CTNND2: variants seen among roughly 807,000 people sequenced by gnomAD.
CTNND2 encodes the protein catenin delta-2.
A neutral mutation model predicts 144.4 loss-of-function variants in CTNND2; 22 were observed. That is an observed-to-expected ratio of 0.15 (90% CI 0.11 to 0.22). The LOEUF (loss-of-function observed/expected upper bound fraction) is 0.22. Ranked by LOEUF, CTNND2 falls within the 10% of genes least tolerant of loss-of-function variation. The pLI, the probability that CTNND2 is intolerant of heterozygous loss-of-function variation, is 1.00. For missense variants in CTNND2, 1,353 were observed against 1,618.8 expected (o/e 0.84, Z 2.82); for synonymous variants, 751 against 695.6 (o/e 1.08, Z -1.25).
chr5:11,417,691 T>A (rs1286683058), intron 3 of CTNND2, among the ~76,000 whole-genome samples: 1 of 152,184 alleles, frequency 6.6e-6, no homozygotes, highest in Non-Finnish European at 1.5e-5. Flanking sequence ...TCTCATACAC[T>A]GTAGGTGGGA....
At chr5:11,225,369 T>C (rs551399722) in intron 10 of CTNND2, among the ~76,000 whole-genome samples, 1 of 152,300 alleles carries the variant, frequency 6.6e-6, no homozygotes, top group Admixed American at 6.5e-5. Flanking sequence ...GAATTATAAT[T>C]CCTAACATTA....
At chr5:11,773,103 C>A (rs1013854779) in intron 1 of CTNND2, among the ~76,000 whole-genome samples, 6 of 152,154 alleles carry the variant, frequency 3.9e-5, no homozygotes, top group Non-Finnish European at 8.8e-5. Context: ...ACCTCAAATG[C>A]CAGTGGAGCC....
intron 6 of CTNND2, among the ~76,000 whole-genome samples, chr5:11,395,065 G>A (rs770905852): frequency 3.9e-5 from 6 of 152,062 alleles, no homozygotes; most frequent in Admixed American, 1.3e-4. Context: ...GATTTCACAC[G>A]GATCAGAATT....
intron 9 of CTNND2, among the ~76,000 whole-genome samples, chr5:11,286,559 C>T (rs1034277085): frequency 3.9e-5 from 6 of 152,166 alleles, no homozygotes; most frequent in Non-Finnish European, 8.8e-5. Flanking sequence ...AAAATGGGGA[C>T]AGGACTGAGG....
intron 16 of CTNND2, among the ~76,000 whole-genome samples, chr5:11,043,916 G>A (rs1744949970): frequency 6.6e-6 from 1 of 152,204 alleles, no homozygotes; most frequent in Non-Finnish European, 1.5e-5. Flanking sequence ...CAGTGTTTGA[G>A]TTTTCTCTTC....
chr5:11,861,751 G>C (rs1051818558), intron 1 of CTNND2, among the ~76,000 whole-genome samples: 8 of 152,150 alleles, frequency 5.3e-5, no homozygotes, highest in Admixed American at 5.2e-4. Context: ...CACTTGATGT[G>C]TTCTCCCATC....
At chr5:11,802,582 G>A (rs1030664876) in intron 1 of CTNND2, among the ~76,000 whole-genome samples, 5 of 150,760 alleles carry the variant, frequency 3.3e-5, no homozygotes, top group Non-Finnish European at 4.4e-5. Flanking sequence ...AAAAAAAAAC[G>A]AATCTTCTAA....
intron 2 of CTNND2, among the ~76,000 whole-genome samples, chr5:11,684,057 G>C (rs775524278): frequency 2.0e-5 from 3 of 152,040 alleles, no homozygotes; most frequent in Non-Finnish European, 4.4e-5. Flanking sequence ...AATCAAGACA[G>C]ACAGCTACTA....
intron 11 of CTNND2, among the ~76,000 whole-genome samples, chr5:11,196,962 G>A (rs1406725231): frequency 6.6e-6 from 1 of 152,206 alleles, no homozygotes; most frequent in Non-Finnish European, 1.5e-5. Flanking sequence ...CATCATTGAG[G>A]CAATGACTGT....
At chr5:11,652,432 G>GT in intron 2 of CTNND2, among the ~76,000 whole-genome samples, 1 of 152,284 alleles carries the variant, frequency 6.6e-6, no homozygotes, top group Non-Finnish European at 1.5e-5. Flanking sequence ...TTAGAGCAAT[G>GT]TAAGAATGGA....
intron 1 of CTNND2, among the ~76,000 whole-genome samples, chr5:11,829,912 G>A (rs1793805086): frequency 6.6e-6 from 1 of 152,180 alleles, no homozygotes. Context: ...CACAGGTGTG[G>A]AGCTGCCCAA....
At chr5:11,364,029 TA>T (rs1455113872) in intron 8 of CTNND2, among the ~76,000 whole-genome samples, 1 of 152,236 alleles carries the variant, frequency 6.6e-6, no homozygotes, top group Non-Finnish European at 1.5e-5. Context: ...TCTAGCAATC[TA>T]ATTATGACAT....
At chr5:11,311,608 C>CCCTATATACA (rs1750873455) in intron 9 of CTNND2, among the ~76,000 whole-genome samples, 1 of 135,980 alleles carries the variant, frequency 7.4e-6, no homozygotes, top group Non-Finnish European at 1.6e-5. Flanking sequence ...CTCACACACT[C>CCCTATATACA]CCTCCCCATG....
intron 9 of CTNND2, among the ~76,000 whole-genome samples, chr5:11,240,759 AACAG>A (rs768742570): frequency 4.5e-4 from 60 of 133,888 alleles, no homozygotes; most frequent in East Asian, 3.9e-3. Context: ...ACACACATCC[AACAG>A]ACAAATACAT....
chr5:11,641,195 G>A (rs1043253325), intron 2 of CTNND2, among the ~76,000 whole-genome samples: 1 of 152,054 alleles, frequency 6.6e-6, no homozygotes, highest in Non-Finnish European at 1.5e-5. Flanking sequence ...ATTTAACAGT[G>A]ATTGAACTGT....
intron 3 of CTNND2, among the ~76,000 whole-genome samples, chr5:11,516,153 A>C (rs1380552483): frequency 6.6e-6 from 1 of 152,110 alleles, no homozygotes; most frequent in African/African-American, 2.4e-5. Flanking sequence ...TTATTATCAA[A>C]TATGAAATAG....
chr5:11,213,294 T>G (rs1387388723), intron 10 of CTNND2, among the ~76,000 whole-genome samples: 1 of 152,086 alleles, frequency 6.6e-6, no homozygotes, highest in Non-Finnish European at 1.5e-5. Flanking sequence ...AAGGAAAAGC[T>G]TAAGTTCCAC....
At chr5:11,253,799 C>T (rs1301974467) in intron 9 of CTNND2, among the ~76,000 whole-genome samples, 1 of 152,160 alleles carries the variant, frequency 6.6e-6, no homozygotes, top group Admixed American at 6.5e-5. Flanking sequence ...TTCTGCTCAC[C>T]TTAGTGTTCT....
chr5:11,772,053 T>G (rs139487953), intron 1 of CTNND2, among the ~76,000 whole-genome samples: 1 of 152,310 alleles, frequency 6.6e-6, no homozygotes, highest in Non-Finnish European at 1.5e-5. Context: ...TTGGCCATGT[T>G]TACTTATTTT....
Sources: allele counts gnomAD v4.1 joint callset (sites outside exome capture counted in the v4.1 genomes callset), GRCh38; gene constraint gnomAD v4.1.1; transcripts MANE v1.5; gene names NCBI Gene and HGNC (gene_info 2026-07-23, HGNC 2026-07-21).